TMEM181: variants seen among roughly 807,000 people sequenced by gnomAD.
TMEM181 encodes G protein-coupled receptor 178.
In TMEM181, 39 loss-of-function variants were observed where a neutral mutation model predicts 71.9. The observed-to-expected ratio is 0.54, with a 90% CI of 0.42 to 0.71. The LOEUF (loss-of-function observed/expected upper bound fraction) is 0.71, where lower values mean the gene tolerates loss of function less well. Among genes scored for constraint, TMEM181 ranks in the 30% least tolerant of loss-of-function variants. The pLI is 0.00. For missense variants in TMEM181, 595 were observed against 583.0 expected, an observed-to-expected ratio of 1.02 and a Z score of -0.21; for synonymous variants, 245 against 228.8, an observed-to-expected ratio of 1.07 and a Z score of -0.64.
chr6:158,559,860 C>T (rs1413618490), upstream of TMEM181, among the ~76,000 whole-genome samples: 1 of 152,250 alleles, frequency 6.6e-6, no homozygotes, highest in Non-Finnish European at 1.5e-5. Context: ...TGTTTACCTG[C>T]CCTAGGGACA....
chr6:158,553,695 G>C (rs1045224374), intron 1 of TMEM181, among the ~76,000 whole-genome samples: 12 of 152,152 alleles, frequency 7.9e-5, no homozygotes, highest in African/African-American at 2.7e-4. Context: ...GTTGGCAATT[G>C]TGCAGACATT....
chr6:158,538,136 C>A (rs1384545143), intron 1 of TMEM181, among the ~76,000 whole-genome samples: 1 of 134,430 alleles, frequency 7.4e-6, no homozygotes, highest in Non-Finnish European at 1.5e-5. Context: ...CCCCCGCCCC[C>A]TACTCTGTTT....
intron 1 of TMEM181, among the ~76,000 whole-genome samples, chr6:158,545,994 C>CAA (rs1562612825): frequency 6.6e-6 from 1 of 152,168 alleles, no homozygotes; most frequent in Admixed American, 6.5e-5. Context: ...GAGTTTTGCT[C>CAA]GTAAGTGAAG....
intron 1 of TMEM181, among the ~76,000 whole-genome samples, chr6:158,548,304 G>A (rs1781603740): frequency 6.6e-6 from 1 of 152,184 alleles, no homozygotes; most frequent in Non-Finnish European, 1.5e-5. Context: ...ACCACTCCCA[G>A]TAAAATTGAC....
chr6:158,601,402 C>T (rs1246094311), intron 6 of TMEM181, among the ~76,000 whole-genome samples: 1 of 152,026 alleles, frequency 6.6e-6, no homozygotes, highest in Non-Finnish European at 1.5e-5. Context: ...TCAGAATTAG[C>T]CGGGCATGGT....
upstream of TMEM181, among the ~76,000 whole-genome samples, chr6:158,559,331 A>G (rs1252725356): frequency 6.6e-6 from 1 of 152,212 alleles, no homozygotes; most frequent in African/African-American, 2.4e-5. Context: ...TTTTCTGCCA[A>G]TAGTAAGCCT....
At chr6:158,604,192 C>G (rs1207172371) in intron 6 of TMEM181, among the ~76,000 whole-genome samples, 1 of 152,222 alleles carries the variant, frequency 6.6e-6, no homozygotes, top group Non-Finnish European at 1.5e-5. Flanking sequence ...CCTGGACTCC[C>G]AGCCGTGGCT....
At chr6:158,563,226 C>G (rs1403091781) in intron 1 of TMEM181, among the ~76,000 whole-genome samples, 1 of 152,218 alleles carries the variant, frequency 6.6e-6, no homozygotes, top group Non-Finnish European at 1.5e-5. Context: ...TCACTGCAAC[C>G]TCTGCCTCCC....
chr6:158,617,933 G>A (rs1562310828), intron 10 of TMEM181, among the ~76,000 whole-genome samples: 1 of 152,226 alleles, frequency 6.6e-6, no homozygotes, highest in Non-Finnish European at 1.5e-5. Flanking sequence ...ATGATGTGGT[G>A]CTGAGAAGAA....
chr6:158,541,102 G>C (rs898355522), intron 1 of TMEM181, among the ~76,000 whole-genome samples: 6 of 152,062 alleles, frequency 3.9e-5, no homozygotes, highest in African/African-American at 1.4e-4. Flanking sequence ...AGGATGGAGA[G>C]CCATGAGGGG....
chr6:158,560,942 C>T (rs1255817368), intron 1 of TMEM181, among the ~76,000 whole-genome samples: 2 of 152,012 alleles, frequency 1.3e-5, no homozygotes, highest in Non-Finnish European at 2.9e-5. Context: ...TCCCCCTGGG[C>T]GCATCTGGAA....
intron 13 of TMEM181, among the ~76,000 whole-genome samples, chr6:158,626,007 C>T (rs1786255441): frequency 6.6e-6 from 1 of 152,208 alleles, no homozygotes; most frequent in Non-Finnish European, 1.5e-5. Context: ...CATGTTCTGT[C>T]CTTGCTGTGC....
At chr6:158,557,275 G>A (rs1220114184), upstream of TMEM181, among the ~76,000 whole-genome samples, 1 of 152,130 alleles carries the variant, frequency 6.6e-6, no homozygotes, top group East Asian at 1.9e-4. Flanking sequence ...ATGGGAGACT[G>A]AGGCCGGAGG....
intron 1 of TMEM181, among the ~76,000 whole-genome samples, chr6:158,565,364 A>G (rs1185241777): frequency 6.6e-6 from 1 of 152,140 alleles, no homozygotes; most frequent in South Asian, 2.1e-4. Context: ...TGCTCAGTGC[A>G]TCTAGTGGGG....
chr6:158,585,281 C>A lies in TMEM181; in HGVS notation c.260-23C>A, dbSNP rs759131621. 5.7e-6 allele frequency: 9 copies of A among 1,584,532 alleles called. No homozygotes were observed. In the Admixed American group the frequency reaches 1.3e-4, roughly 22 times the overall value. On this transcript the variant is annotated intron_variant, in intron 4 of 16. Coordinates refer to ENST00000684151, the MANE Select transcript of TMEM181 (RefSeq NM_001376852.1). The stretch of plus-strand genomic sequence containing the variant: ...GTGATGTGCCTGGCATGGTCTCTAA[C>A]ACTGAATTTTTTTCTTTTGTAGAAA...
chr6:158,569,588 G>A (rs1393324902), intron 1 of TMEM181, among the ~76,000 whole-genome samples: 1 of 151,456 alleles, frequency 6.6e-6, no homozygotes, highest in Non-Finnish European at 1.5e-5. Flanking sequence ...GTGCCCTCAT[G>A]CCCTTTCTCT....
At chr6:158,583,540 G>C (rs758830066) in intron 3 of TMEM181, among the ~76,000 whole-genome samples, 1 of 152,140 alleles carries the variant, frequency 6.6e-6, no homozygotes, top group Non-Finnish European at 1.5e-5. Context: ...AGTGGCTAAT[G>C]CCTGTAACCT....
chr6:158,569,111 G>A (rs528774326), intron 1 of TMEM181, among the ~76,000 whole-genome samples: 128 of 152,348 alleles, frequency 8.4e-4, no homozygotes, highest in African/African-American at 2.9e-3. Context: ...GAGCTGCTGG[G>A]ACTACAGGCA....
intron 7 of TMEM181, 76 bp downstream of exon 7, chr6:158,605,423 G>A: frequency 1.5e-6 from 2 of 1,350,154 alleles, no homozygotes; most frequent in African/African-American, 1.4e-5. Context: ...AGGATCTTCG[G>A]TGCAAGCCAC....
Sources: gnomAD v4.1 joint callset for allele counts (sites outside exome capture counted in the v4.1 genomes callset) on GRCh38, gnomAD v4.1.1 for gene constraint, MANE v1.5 for transcripts, NCBI Gene and HGNC (gene_info 2026-07-23, HGNC 2026-07-21) for gene names.